Variants in SANBR observed in about 807,000 individuals in gnomAD.
The protein encoded by SANBR is SANT and BTB domain regulator of CSR, also known as SANT and BTB domain regulator of class switch recombination.
SANBR carries 77 observed loss-of-function variants against 101.8 expected under a neutral mutation model. The observed-to-expected ratio is 0.76, with a 90% CI of 0.63 to 0.91. The LOEUF is 0.91. SANBR is among the 40% of genes least tolerant of loss of function. The probability of loss-of-function intolerance (pLI) is 0.00; values close to 1 mark genes in which losing one functional copy is unlikely to be tolerated. For missense variants in SANBR, 875 were observed against 853.0 expected (o/e 1.03, Z -0.32); for synonymous variants, 279 against 274.7 (o/e 1.02, Z -0.15).
chr2:61,110,475 T>G (rs1262096476), intron 16 of SANBR, among the ~76,000 whole-genome samples: 3 of 149,624 alleles, frequency 2.0e-5, no homozygotes, highest in African/African-American at 7.4e-5. Context: ...AGGTCAGGAG[T>G]TCAAGAGCAG....
chr2:61,071,288 C>G (rs952910072), intron 3 of SANBR, among the ~76,000 whole-genome samples: 1 of 151,992 alleles, frequency 6.6e-6, no homozygotes, highest in Non-Finnish European at 1.5e-5. Context: ...TGGTGGCTCA[C>G]GCCTGTAATC....
At chr2:61,099,201 G>A (rs573444054) in intron 12 of SANBR, among the ~76,000 whole-genome samples, 3 of 152,338 alleles carry the variant, frequency 2.0e-5, no homozygotes, top group African/African-American at 7.2e-5. Context: ...GACCTCATAA[G>A]CCATGTTCAA....
intron 8 of SANBR, among the ~76,000 whole-genome samples, chr2:61,086,125 G>A (rs1462068268): frequency 6.6e-6 from 1 of 151,898 alleles, no homozygotes; most frequent in Non-Finnish European, 1.5e-5. Context: ...CCAATGTCTT[G>A]TAGTTTTCAA....
At chr2:61,130,929 C>CAAAA (rs59171411) in intron 20 of SANBR, among the ~76,000 whole-genome samples, 2,440 of 13,242 alleles carry the variant, frequency 0.18, 1,011 homozygotes, top group Non-Finnish European at 0.2. Flanking sequence ...GACTCTGTCT[C>CAAAA]AAAAAAAAAA....
chr2:61,105,602 G>A (rs1435465334), intron 13 of SANBR, among the ~76,000 whole-genome samples: 8 of 152,062 alleles, frequency 5.3e-5, no homozygotes, highest in Non-Finnish European at 8.8e-5. Context: ...TCGTGACCTC[G>A]TGAACCACCC....
intron 10 of SANBR, chr2:61,090,718 T>TTGTGTGTGTGTGTGTGTGTGTG (rs58195165): frequency 7.0e-5 from 10 of 143,142 alleles, no homozygotes; most frequent in African/African-American, 2.1e-4. Flanking sequence ...GGCACAGGGT[T>TTGTGTGTGTGTGTGTGTGTGTG]TGTGTGTGTG....
chr2:61,079,203 G>T (rs979478686), intron 6 of SANBR, among the ~76,000 whole-genome samples: 1 of 151,958 alleles, frequency 6.6e-6, no homozygotes, highest in African/African-American at 2.4e-5. Flanking sequence ...AAACCCTTTA[G>T]GATTCTCAGT....
intron 12 of SANBR, among the ~76,000 whole-genome samples, chr2:61,099,471 T>C (rs1199404314): frequency 1.3e-5 from 2 of 152,158 alleles, no homozygotes; most frequent in Non-Finnish European, 2.9e-5. Flanking sequence ...GGATAGCTGG[T>C]GGTGCCATTC....
chr2:61,108,350 G>C lies in SANBR; in HGVS notation c.1644+1G>C. 1 of 1,557,954 alleles carries C rather than the reference G, an allele frequency of 6.4e-7. No individual in the cohort carries two copies. The highest frequency in any genetic ancestry group is 8.7e-7 in the Non-Finnish European group (1 of 1,143,654). ...ATTGAAAAACTGGACTCTACAACTGGTAAGTGAGCAATTACAGTTAGCATT... is the reference window on the plus strand; with the variant it reads ...ATTGAAAAACTGGACTCTACAACTGCTAAGTGAGCAATTACAGTTAGCATT... On this transcript the variant is annotated splice_donor_variant, in intron 15 of 21. Transcript: ENST00000402291. LOFTEE classifies it high-confidence loss of function.
intron 15 of SANBR, 36 bp from the exon 16 acceptor site, chr2:61,109,158 CATA>C (rs773037601): frequency 3.9e-6 from 4 of 1,013,360 alleles, no homozygotes; most frequent in African/African-American, 1.7e-5. Flanking sequence ...AATAAAAAAT[CATA>C]ATATTACATT....
chr2:61,073,512 C>T lies in SANBR; in HGVS notation c.392C>T (p.Thr131Ile). 1 of 1,587,476 alleles carries T rather than the reference C, an allele frequency of 6.3e-7. No individual in the cohort carries two copies. Among genetic ancestry groups the T allele is most frequent in the Non-Finnish European group, 8.6e-7 (1 of 1,163,950 alleles). ...TGTTCTTCAGAAAGTGAAAATTGTA[C>T]TACTCATAATGGTGGAGAAATGACT... ...RNCSSESENCTTHNGGEMTEE... is the reference protein window; with the variant it reads ...RNCSSESENCITHNGGEMTEE... The change falls in exon 5 of 22, where the codon ACT (threonine) becomes ATT (isoleucine). Residue 131 changes from threonine (T) to isoleucine (I), a missense_variant. Transcript: ENST00000402291.
chr2:61,122,313 ATAGT>A lies in SANBR; in HGVS notation c.*155_*158del, dbSNP rs1390839410. ...TAAATCATAATTCTAAAAGAAATGCATAGTTAGGTTTTATGAAAATCTAATTGTA... is the reference window on the plus strand; with the variant it reads ...TAAATCATAATTCTAAAAGAAATGCATAGGTTTTATGAAAATCTAATTGTA... On this transcript the variant is annotated 3_prime_UTR_variant, in exon 22 of 22. Transcript: ENST00000402291. 1.4e-5 allele frequency: 17 copies of A among 1,235,998 alleles called. No homozygotes were observed. Among genetic ancestry groups the A allele is most frequent in the African/African-American group, 3.1e-5 (2 of 65,286 alleles). 76.6% of individuals were successfully genotyped at this position (1,235,998 alleles called of 1,614,324 possible).
chr2:61,081,502 G>T lies in SANBR; in HGVS notation c.721G>T (p.Asp241Tyr). The change falls in exon 7 of 22, where the codon GAT becomes TAT. Residue 241 changes from aspartate (D) to tyrosine (Y), a missense_variant. Asp to Tyr is a radical substitution (Grantham distance 160, BLOSUM62 -3). Transcript: ENST00000402291. ...TATTTCTTCGGAGTTTTTAAAAATG[G>T]ATTCACTAGTAAGTATTGACTTAAA... ...ILISSEFLKMDSLVEQCIQYC... is the reference protein window; with the variant it reads ...ILISSEFLKMYSLVEQCIQYC... The T allele has an allele frequency of 6.4e-7, 1 of 1,569,362 alleles. No homozygotes were observed. The highest frequency in any genetic ancestry group is 8.6e-7 in the Non-Finnish European group (1 of 1,162,118).
At chr2:61,130,557 T>C (rs1684656236) in intron 20 of SANBR, among the ~76,000 whole-genome samples, 2 of 152,090 alleles carry the variant, frequency 1.3e-5, no homozygotes, top group Non-Finnish European at 2.9e-5. Flanking sequence ...AAAATAATTA[T>C]ACTCTATGAC....
intron 11 of SANBR, among the ~76,000 whole-genome samples, chr2:61,092,929 C>G (rs1682843254): frequency 6.6e-6 from 1 of 151,884 alleles, no homozygotes; most frequent in African/African-American, 2.4e-5. Context: ...GTCAGGAAAT[C>G]AAGACCATCC....
At chr2:61,135,759 G>A (rs561784627) in intron 21 of SANBR, among the ~76,000 whole-genome samples, 2 of 152,216 alleles carry the variant, frequency 1.3e-5, no homozygotes, top group African/African-American at 2.4e-5. Context: ...AGAATACTGG[G>A]AAATAGCTGA....
rs1280448562 is a variant in SANBR, at chr2:61,068,879, A to G, written c.-116A>G. On this transcript the variant is annotated 5_prime_UTR_variant, in exon 2 of 22. Transcript: ENST00000402291. ...GAAATTGAGGCACAGAGATTAACTA[A>G]TCTGAACCAGATAATGCCATAAGTA... 1 of 152,358 alleles carries G rather than the reference A, an allele frequency of 6.6e-6. No homozygotes were observed. The highest frequency in any genetic ancestry group is 2.4e-5 in the African/African-American group (1 of 41,458). 9.4% of individuals were successfully genotyped at this position (152,358 alleles called of 1,614,324 possible).
chr2:61,133,887 G>A (rs1478888816), intron 20 of SANBR, among the ~76,000 whole-genome samples: 4 of 152,190 alleles, frequency 2.6e-5, no homozygotes, highest in African/African-American at 9.6e-5. Flanking sequence ...ATAAGTCTGA[G>A]AGTATACTTA....
intron 12 of SANBR, among the ~76,000 whole-genome samples, chr2:61,098,110 T>G (rs1046614296): frequency 1.2e-3 from 27 of 22,116 alleles, no homozygotes; most frequent in Non-Finnish European, 1.9e-3. Flanking sequence ...TGTTTTTTTG[T>G]TTTTTTTTTT....
Sources: allele counts gnomAD v4.1 joint callset (sites outside exome capture counted in the v4.1 genomes callset), GRCh38; gene constraint gnomAD v4.1.1; transcripts MANE v1.5; gene names NCBI Gene and HGNC (gene_info 2026-07-23, HGNC 2026-07-21).